Variants in SYNE1 observed in about 807,000 individuals in gnomAD.
The protein encoded by SYNE1 is spectrin repeat containing nuclear envelope protein 1, also known as nesprin-1.
SYNE1 carries 616 observed loss-of-function variants against 1,111.0 expected under a neutral mutation model. The observed-to-expected ratio is 0.55, with a 90% confidence interval of 0.52 to 0.59. The LOEUF (loss-of-function observed/expected upper bound fraction) is 0.59. SYNE1 is among the 20% of genes least tolerant of loss of function. SYNE1 has a pLI of 0.00. For synonymous variants in SYNE1, 3,855 were observed against 3,825.8 expected (o/e 1.01, Z -0.28); for missense variants, 10,006 against 10,417.0 (o/e 0.96, Z 1.72).
At position 152,387,337 on chromosome 6, in the gene SYNE1, C is replaced by T. The variant is rs181218387; in HGVS notation, c.8222G>A (p.Arg2741Lys). The T allele has an allele frequency of 8.1e-6, 13 of 1,614,160 alleles. 1 individual carries two copies. In the Admixed American group the frequency reaches 1.8e-4, roughly 23 times the overall value. Residue 2741 changes from arginine to lysine, a missense_variant, in exon 54 of 146, where the codon AGG becomes AAG. By Grantham distance (26) the Arg-to-Lys change is conservative. Coordinates refer to ENST00000367255, the MANE Select transcript of SYNE1 (RefSeq NM_182961.4). ...CATCCACTGCTCCAACTGGTTTTTC[C>T]TCTCTACATAGTCATTCCATTGGCT... Reference protein sequence around the residue: ...VISQWNDYVERKNQLEQWMES... With the variant: ...VISQWNDYVEKKNQLEQWMES...
intron 3 of SYNE1, among the ~76,000 whole-genome samples, chr6:152,584,818 C>T (rs541326787): frequency 2.8e-4 from 42 of 152,306 alleles, no homozygotes; most frequent in Middle Eastern, 3.4e-3. Flanking sequence ...TGTATACATG[C>T]TTCTGCATCT....
intron 144 of SYNE1, 146 bp from the exon 145 acceptor site, chr6:152,130,924 G>A (rs2055417205): frequency 1.3e-6 from 1 of 767,464 alleles, no homozygotes; most frequent in African/African-American, 1.8e-5. Flanking sequence ...TAAGGAAACT[G>A]GCTTTTCTTT....
Position 152,352,206 on chromosome 6 carries a change from T to G in SYNE1, c.11401A>C (p.Thr3801Pro), listed in dbSNP as rs1183839137. 1 of 1,614,172 alleles carries G rather than the reference T, an allele frequency of 6.2e-7. No homozygotes were observed. Among genetic ancestry groups the G allele is most frequent in the East Asian group, 2.2e-5 (1 of 44,882 alleles). Reference sequence around the variant, plus strand: ...ATGTGTTCTTTCCGGACAGTGCTGGTCAGTTCCTTCAACTGCTCCATGTGA... The same window carrying G: ...ATGTGTTCTTTCCGGACAGTGCTGGGCAGTTCCTTCAACTGCTCCATGTGA... ...HDHMEQLKEL[T>P]STVRKEHMTL... Residue 3801 changes from threonine to proline, a missense_variant, in exon 70 of 146, where the codon ACC becomes CCC. Around this residue, in one of 7 missense-constraint regions of SYNE1, gnomAD observed 4,955 missense variants for 5,017.2 expected, o/e 0.99. Transcript: ENST00000367255.
chr6:152,584,843 A>G (rs1215131082), intron 3 of SYNE1, among the ~76,000 whole-genome samples: 1 of 152,228 alleles, frequency 6.6e-6, no homozygotes, highest in Non-Finnish European at 1.5e-5. Context: ...GTTACATTAC[A>G]TTTAAATCTT....
Position 152,133,432 on chromosome 6 carries a change from C to T in SYNE1, c.25845G>A (p.Met8615Ile), listed in dbSNP as rs1055624956. Residue 8615 changes from methionine (M) to isoleucine (I), a missense_variant, in exon 143 of 146, where the codon ATG becomes ATA. Coordinates refer to ENST00000367255, the MANE Select transcript of SYNE1 (RefSeq NM_182961.4). ...CAGCATTCACCAGTAGTTGGCAAGACATGTCTTGCAAAGAGGCTACTCTGA... is the reference window on the plus strand; with the variant it reads ...CAGCATTCACCAGTAGTTGGCAAGATATGTCTTGCAAAGAGGCTACTCTGA... ...SQLRVASLQD[M>I]SCQLLVNAEG... is the part of the protein sequence containing the mutation. 6.2e-7 allele frequency: 1 copy of T among 1,614,072 alleles called. No homozygotes were observed. The highest frequency in any genetic ancestry group is 1.3e-5 in the African/African-American group (1 of 74,930).
intron 143 of SYNE1, 48 bp downstream of exon 143, chr6:152,133,228 T>C: frequency 6.5e-7 from 1 of 1,541,050 alleles, no homozygotes; most frequent in Non-Finnish European, 9.0e-7. Flanking sequence ...GATGCTTCTT[T>C]GGTCTCCAGT....
chr6:152,141,696 A>G (rs1352942389), intron 138 of SYNE1, among the ~76,000 whole-genome samples: 2 of 152,150 alleles, frequency 1.3e-5, no homozygotes, highest in African/African-American at 4.8e-5. Context: ...TGGAGGCTAC[A>G]GTGAACCATA....
chr6:152,152,478 T>C (rs1484787830), intron 133 of SYNE1, among the ~76,000 whole-genome samples: 5 of 152,124 alleles, frequency 3.3e-5, no homozygotes, highest in Admixed American at 6.5e-5. Context: ...GAAACAAATA[T>C]TCCCACAAAG....
At position 152,189,231 on chromosome 6, in the gene SYNE1, CA is replaced by C; in HGVS notation, c.23301+20del. ...CAATTTTCCATCATCAAGATAATTCCATTTTTAGAACTTATCTTACCTGGTG... is the reference window on the plus strand; with the variant it reads ...CAATTTTCCATCATCAAGATAATTCCTTTTTAGAACTTATCTTACCTGGTG... On this transcript the variant is annotated intron_variant, in intron 128 of 145. Coordinates refer to ENST00000367255, the MANE Select transcript of SYNE1 (RefSeq NM_182961.4). 1 of 1,612,668 alleles carries C rather than the reference CA, an allele frequency of 6.2e-7. No homozygotes were observed. Among genetic ancestry groups the C allele is most frequent in the Non-Finnish European group, 8.5e-7 (1 of 1,179,788 alleles).
Position 152,364,847 on chromosome 6 carries a change from C to T in SYNE1, c.10145G>A (p.Ser3382Asn). ...AGTGCTTGGCTGTAGTTTCCCTCACCTTTTACAACGAATCCCTGCAGACAA... is the reference window on the plus strand; with the variant it reads ...AGTGCTTGGCTGTAGTTTCCCTCACTTTTTACAACGAATCCCTGCAGACAA... ...SLLSAGIRCKSQLEGALSKWT... is the reference protein window; with the variant it reads ...SLLSAGIRCKNQLEGALSKWT... The change falls in exon 63 of 146, where the codon AGC becomes AAC. Residue 3382 changes from serine (S) to asparagine (N), a missense_variant and splice_region_variant. Transcript: ENST00000367255. 1 of 1,614,108 alleles carries T rather than the reference C, an allele frequency of 6.2e-7. No homozygotes were observed. The highest frequency in any genetic ancestry group is 8.5e-7 in the Non-Finnish European group (1 of 1,180,014).
chr6:152,428,401 A>T lies in SYNE1; in HGVS notation c.4789-9T>A. On this transcript the variant is annotated splice_polypyrimidine_tract_variant and intron_variant, in intron 36 of 145. Coordinates refer to ENST00000367255, the MANE Select transcript of SYNE1 (RefSeq NM_182961.4). Reference sequence around the variant, plus strand: ...AGGGCCTGGCAGAGATCCTAAGAAGAGTGCGAGAAGAATGCAGTGAAAGCA... The same window carrying T: ...AGGGCCTGGCAGAGATCCTAAGAAGTGTGCGAGAAGAATGCAGTGAAAGCA... 6.2e-7 allele frequency: 1 copy of T among 1,613,146 alleles called. No homozygotes were observed.
rs375735034 is a variant in SYNE1 at position 152,416,373 on chromosome 6, A to G, written c.6050+14T>C. On this transcript the variant is annotated intron_variant, in intron 41 of 145. Coordinates refer to ENST00000367255, the MANE Select transcript of SYNE1 (RefSeq NM_182961.4). ...AAGAAAAGAGACAAGTGGCCGTGAC[A>G]GTTTCCTATTTACCTCTGCTGAAGA... 3.7e-6 allele frequency: 6 copies of G among 1,613,572 alleles called. No homozygotes were observed. The highest frequency in any genetic ancestry group is 1.6e-4 in the Middle Eastern group (1 of 6,062).
chr6:152,288,377 T>G (rs2094437205), intron 95 of SYNE1, among the ~76,000 whole-genome samples: 1 of 152,212 alleles, frequency 6.6e-6, no homozygotes, highest in Non-Finnish European at 1.5e-5. Flanking sequence ...TTTGATGTGT[T>G]GGTAACTCTC....
chr6:152,198,667 G>T (rs1241184020), intron 127 of SYNE1, among the ~76,000 whole-genome samples: 1 of 152,102 alleles, frequency 6.6e-6, no homozygotes, highest in Admixed American at 6.5e-5. Context: ...ATATTGTTGT[G>T]TCTCAGCAAA....
intron 130 of SYNE1, among the ~76,000 whole-genome samples, chr6:152,174,959 CGAGGCGGGTGGCTCACCT>C (rs1362397284): frequency 6.6e-6 from 1 of 152,156 alleles, no homozygotes; most frequent in Non-Finnish European, 1.5e-5. Context: ...TTCGGGAGGC[CGAGGCGGGTGGCTCACCT>C]GAGGTCAGGA....
chr6:152,321,251 T>G lies in SYNE1; in HGVS notation c.16223A>C (p.Lys5408Thr), dbSNP rs1173353371. ...TCATAGGTTTACCTGATCTCGGATC[T>G]TTAGATCTAACGCCACTTCAGCCAA... is the stretch of plus-strand genomic sequence containing the variant. ...LQLAEVALDL[K>T]IRDQIQDKIK... Residue 5408 changes from lysine to threonine, a missense_variant, in exon 84 of 146, where the codon AAG becomes ACG. Coordinates refer to ENST00000367255, the MANE Select transcript of SYNE1 (RefSeq NM_182961.4). The G allele has an allele frequency of 6.2e-7, 1 of 1,613,850 alleles. No homozygotes were observed. Among genetic ancestry groups the G allele is most frequent in the Non-Finnish European group, 8.5e-7 (1 of 1,179,894 alleles).
chr6:152,428,166 A>C lies in SYNE1; in HGVS notation c.4976+39T>G, dbSNP rs150587471. On this transcript the variant is annotated intron_variant, in intron 37 of 145. Coordinates refer to ENST00000367255, the MANE Select transcript of SYNE1 (RefSeq NM_182961.4). ...AAGAACTGCTAATCCAGAATTTCCTATTTAGTAGTGCAGCAACTCAAGGAA... is the reference window on the plus strand; with the variant it reads ...AAGAACTGCTAATCCAGAATTTCCTCTTTAGTAGTGCAGCAACTCAAGGAA... 2,372 of 1,609,236 alleles carry C rather than the reference A, an allele frequency of 1.5e-3. 6 individuals are homozygous for C. Among genetic ancestry groups the C allele is most frequent in the Non-Finnish European group, 1.8e-3 (2,148 of 1,179,360 alleles).
chr6:152,247,746 TATATACACACACACAC>T (rs975017145), intron 105 of SYNE1, among the ~76,000 whole-genome samples: 1 of 92,232 alleles, frequency 1.1e-5, no homozygotes, highest in African/African-American at 5.7e-5. Flanking sequence ...TATATATATA[TATATACACACACACAC>T]ACACACACAC....
At position 152,409,690 on chromosome 6, in the gene SYNE1, G is replaced by A. The variant is rs2097979803; in HGVS notation, c.6250C>T (p.Leu2084Phe). Residue 2084 changes from leucine to phenylalanine, a missense_variant, in exon 43 of 146, where the codon CTT becomes TTT. Around this residue, in one of 7 missense-constraint regions of SYNE1, gnomAD observed 4,955 missense variants for 5,017.2 expected, o/e 0.99. Transcript: ENST00000367255. The stretch of plus-strand genomic sequence containing the variant: ...TGATATTCTCTCATTAAGTCAATAA[G>A]TCCACAGCACTGACCCTGACTGTAA... ...IHENQGQCCGLIDLMREYQNL... is the reference protein window; with the variant it reads ...IHENQGQCCGFIDLMREYQNL... 1.9e-6 allele frequency: 3 copies of A among 1,613,608 alleles called. No individual in the cohort carries two copies. The highest frequency in any genetic ancestry group is 2.5e-6 in the Non-Finnish European group (3 of 1,179,928).
Sources: allele counts gnomAD v4.1 joint callset (sites outside exome capture counted in the v4.1 genomes callset), GRCh38; gene constraint gnomAD v4.1.1; regional missense constraint gnomAD v4.1.1; transcripts MANE v1.5; gene names NCBI Gene and HGNC (gene_info 2026-07-23, HGNC 2026-07-21).